KDM4C: variants seen among roughly 807,000 people sequenced by gnomAD.
KDM4C encodes lysine demethylase 4C.
Under a neutral mutation model 129.3 loss-of-function variants are expected in KDM4C, and 81 were observed. That is an observed-to-expected ratio of 0.63 (90% CI 0.52 to 0.75). KDM4C has a LOEUF of 0.75. Ranked by LOEUF, KDM4C falls within the 30% of genes least tolerant of loss-of-function variation. The pLI is 0.00. For synonymous variants in KDM4C, 573 were observed against 456.1 expected (o/e 1.26, Z -3.26); for missense variants, 1,457 against 1,304.0 (o/e 1.12, Z -1.81).
chr9:7,119,126 T>C (rs1839229950), intron 18 of KDM4C, among the ~76,000 whole-genome samples: 1 of 152,172 alleles, frequency 6.6e-6, no homozygotes. Flanking sequence ...ACCAAGAAAT[T>C]ACCTATTTTA....
intron 1 of KDM4C, among the ~76,000 whole-genome samples, chr9:6,784,028 G>T (rs1427082555): frequency 6.6e-6 from 1 of 152,138 alleles, no homozygotes; most frequent in Non-Finnish European, 1.5e-5. Context: ...AGGCAGTGAG[G>T]AAGAAGCTCA....
chr9:7,067,197 T>A (rs1432325599), intron 17 of KDM4C, among the ~76,000 whole-genome samples: 2 of 152,210 alleles, frequency 1.3e-5, no homozygotes, highest in African/African-American at 4.8e-5. Flanking sequence ...TGATAGCCTT[T>A]GAACTATTGA....
chr9:6,766,782 TA>T (rs1317400995), intron 1 of KDM4C, among the ~76,000 whole-genome samples: 1 of 151,922 alleles, frequency 6.6e-6, no homozygotes, highest in Non-Finnish European at 1.5e-5. Context: ...TTTTTTTTTT[TA>T]ACCTGCTGGG....
At chr9:6,883,918 A>T (rs1379985781) in intron 6 of KDM4C, among the ~76,000 whole-genome samples, 1 of 152,178 alleles carries the variant, frequency 6.6e-6, no homozygotes, top group Non-Finnish European at 1.5e-5. Flanking sequence ...TCAGGAATGC[A>T]GTAAAAAAAA....
chr9:6,865,111 C>T lies in KDM4C; in HGVS notation c.630-14901C>T, dbSNP rs569904191. Among the ~76,000 whole-genome samples, 37 of 151,034 alleles carry T rather than the reference C, an allele frequency of 2.4e-4. 1 individual carries two copies. The South Asian group carries it at 7.7e-3, about 32-fold the overall frequency. ...GCAAGCTCTGCCTCCCGGGTTCAAG[C>T]AATTCTCCTGCTTCAGCCTCCCGAG... On this transcript the variant is annotated intron_variant, in intron 5 of 21. Transcript: ENST00000381309.
At chr9:7,007,267 G>C (rs766245993) in intron 12 of KDM4C, among the ~76,000 whole-genome samples, 2 of 152,186 alleles carry the variant, frequency 1.3e-5, no homozygotes, top group African/African-American at 2.4e-5. Flanking sequence ...TGGTTTTCTT[G>C]ACTGCATGTT....
In KDM4C at chr9:7,132,360, C is replaced by T. The variant is rs7042899; in HGVS notation, c.2781+4124C>T. ...CAGGCGTTAAAAATGCTTACGTTAG[C>T]GTTATGTGACTGGAGAGAGCATTTG... On this transcript the variant is annotated intron_variant, in intron 19 of 21. Transcript: ENST00000381309. Among the ~76,000 whole-genome samples the T allele has an allele frequency of 6.1e-3, 925 of 152,212 alleles. 6 individuals carry two copies. Among genetic ancestry groups the T allele is most frequent in the African/African-American group, 0.021 (874 of 41,506 alleles).
intron 8 of KDM4C, among the ~76,000 whole-genome samples, chr9:6,932,378 G>C (rs1823914646): frequency 6.6e-6 from 1 of 152,158 alleles, no homozygotes; most frequent in Non-Finnish European, 1.5e-5. Flanking sequence ...TGGACTTTGA[G>C]GAAGAATCTG....
At chr9:7,151,546 G>A (rs1281620931) in intron 19 of KDM4C, among the ~76,000 whole-genome samples, 2 of 152,114 alleles carry the variant, frequency 1.3e-5, no homozygotes, top group African/African-American at 4.8e-5. Flanking sequence ...ATGGTGGCAC[G>A]CACCTGTATT....
intron 14 of KDM4C, among the ~76,000 whole-genome samples, chr9:7,015,610 T>C (rs1360400751): frequency 6.6e-6 from 1 of 152,182 alleles, no homozygotes; most frequent in African/African-American, 2.4e-5. Flanking sequence ...GTGAACAAAT[T>C]AGTAGACTTG....
chr9:6,957,836 C>G (rs1429143109), intron 8 of KDM4C, among the ~76,000 whole-genome samples: 1 of 152,198 alleles, frequency 6.6e-6, no homozygotes, highest in Non-Finnish European at 1.5e-5. Context: ...CTTGTGCAAA[C>G]TGCCTAACCC....
chr9:6,772,184 C>G (rs926041182), intron 1 of KDM4C, among the ~76,000 whole-genome samples: 1 of 152,012 alleles, frequency 6.6e-6, no homozygotes, highest in South Asian at 2.1e-4. Context: ...GAGTCTCACT[C>G]TGTTGCCCAG....
intron 8 of KDM4C, among the ~76,000 whole-genome samples, chr9:6,914,047 A>G (rs1488661936): frequency 6.6e-6 from 1 of 152,146 alleles, no homozygotes; most frequent in African/African-American, 2.4e-5. Flanking sequence ...TGTTTACAAC[A>G]TAGTACATTT....
At chr9:7,167,668 A>G (rs1228865833) in intron 20 of KDM4C, among the ~76,000 whole-genome samples, 3 of 152,230 alleles carry the variant, frequency 2.0e-5, no homozygotes, top group Non-Finnish European at 1.5e-5. Context: ...GTGGATAATA[A>G]TACGTTCAAT....
upstream of KDM4C, chr9:6,757,791 G>C: frequency 1.0e-6 from 1 of 985,524 alleles, no homozygotes; most frequent in Non-Finnish European, 1.2e-6. Flanking sequence ...CGGAAAGAAT[G>C]GGATATGCCT....
At chr9:6,742,195 T>C (rs1476312922) in intron 1 of KDM4C, among the ~76,000 whole-genome samples, 1 of 150,438 alleles carries the variant, frequency 6.6e-6, no homozygotes, top group East Asian at 1.9e-4. Context: ...CTGGTCTTTT[T>C]AGTAGAGATG....
chr9:7,015,752 G>A (rs1020334879), intron 14 of KDM4C, 101 bp from the exon 15 acceptor site: 8 of 733,200 alleles, frequency 1.1e-5, no homozygotes, highest in South Asian at 3.3e-5. Context: ...AAGACAGTAT[G>A]GTAGGCTAGT....
chr9:7,163,133 G>A (rs1238092903), intron 19 of KDM4C, among the ~76,000 whole-genome samples: 32 of 152,092 alleles, frequency 2.1e-4, no homozygotes, highest in Non-Finnish European at 1.5e-5. Context: ...CAGAGAGAAA[G>A]GGAAGGAGCT....
chr9:6,855,642 C>T (rs1046385093), intron 5 of KDM4C, among the ~76,000 whole-genome samples: 13 of 152,216 alleles, frequency 8.5e-5, no homozygotes, highest in African/African-American at 3.1e-4. Flanking sequence ...ATTCACCTTA[C>T]CCCTATCTCT....
Sources: allele counts gnomAD v4.1 joint callset (sites outside exome capture counted in the v4.1 genomes callset), GRCh38; gene constraint gnomAD v4.1.1; transcripts MANE v1.5; gene names NCBI Gene and HGNC (gene_info 2026-07-23, HGNC 2026-07-21).